The following PHF8 variants were observed in gnomAD, a reference collection of about 807,000 sequenced individuals.
PHF8 encodes histone lysine demethylase PHF8.
Under a neutral mutation model 74.4 loss-of-function variants are expected in PHF8, and 9 were observed. The observed-to-expected ratio is 0.12, with a 90% CI of 0.07 to 0.21. The LOEUF (loss-of-function observed/expected upper bound fraction) is 0.21, where lower values mean the gene tolerates loss of function less well. Ranked by LOEUF, PHF8 falls within the 10% of genes least tolerant of loss-of-function variation. PHF8 has a pLI of 1.00. For synonymous variants in PHF8, 311 were observed against 316.6 expected (o/e 0.98, Z 0.19); for missense variants, 478 against 816.6 (o/e 0.59, Z 5.05).
At position 54,009,844 on chromosome X, in the gene PHF8, G is replaced by GGA. The variant is rs2065952773; in HGVS notation, c.946+1277_946+1278insTC. Among the ~76,000 whole-genome samples, 48 of 9,384 alleles carry GGA rather than the reference G, an allele frequency of 5.1e-3. 4 individuals are homozygous for GGA. The highest frequency in any genetic ancestry group is 8.4e-3 in the Admixed American group (3 of 358). 8.1% of individuals were successfully genotyped at this position (9,384 alleles called of 115,157 possible). A position where few individuals can be genotyped will look rare whatever the true frequency, so the allele number is the denominator to read the frequency against. ...GGTGACAGAGTGAGACTCTGTCTCA[G>GGA]AAAAAAAAAAAAAAAAAAAAAAAAA... On this transcript the variant is annotated intron_variant, in intron 8 of 21. Coordinates refer to ENST00000338154, the MANE Select transcript of PHF8 (RefSeq NM_015107.3).
chrX:54,003,840 GT>G (rs782611189), intron 8 of PHF8, among the ~76,000 whole-genome samples: 12 of 111,476 alleles, frequency 1.1e-4, no homozygotes, highest in African/African-American at 3.3e-4. Context: ...CACAGTTTTG[GT>G]TTTCTTCCAC....
intron 4 of PHF8, among the ~76,000 whole-genome samples, chrX:54,020,486 T>C (rs185050373): frequency 1.8e-5 from 2 of 111,970 alleles, no homozygotes; most frequent in Admixed American, 9.5e-5. Context: ...TGTGCTATTA[T>C]GGATTGATCT....
At chrX:54,027,592 T>C (rs373517825) in intron 2 of PHF8, among the ~76,000 whole-genome samples, 58 of 111,579 alleles carry the variant, frequency 5.2e-4, no homozygotes, top group African/African-American at 1.9e-3. Context: ...CTTGTTGATA[T>C]ATGCAATAAG....
At chrX:54,045,101 G>C (rs1189325813), upstream of PHF8, 1 of 391,462 alleles carries the variant, frequency 2.6e-6, no homozygotes, top group Non-Finnish European at 4.5e-6. Flanking sequence ...CTGTAAAGCT[G>C]CTGCCAACTC....
At chrX:54,011,431 C>G (rs1319788357) in intron 7 of PHF8, 147 bp from the exon 8 acceptor site, 1 of 502,895 alleles carries the variant, frequency 2.0e-6, no homozygotes, top group African/African-American at 2.4e-5. Context: ...ATTATCATTT[C>G]TTTGTGGATT....
intron 19 of PHF8, among the ~76,000 whole-genome samples, chrX:53,951,582 C>T (rs1272633804): frequency 1.8e-5 from 2 of 110,578 alleles, no homozygotes; most frequent in Non-Finnish European, 3.8e-5. Flanking sequence ...TCCTGAGTAG[C>T]TGGGACTACA....
intron 18 of PHF8, among the ~76,000 whole-genome samples, chrX:53,964,508 G>A (rs905576610): frequency 1.8e-5 from 2 of 111,338 alleles, no homozygotes; most frequent in African/African-American, 6.5e-5. Flanking sequence ...AAGAAAAAAA[G>A]GCCAGAACAA....
intron 7 of PHF8, 86 bp downstream of exon 7, chrX:54,014,291 T>G (rs2066027895): frequency 1.4e-6 from 1 of 702,158 alleles, no homozygotes; most frequent in Non-Finnish European, 2.3e-6. Flanking sequence ...TAAATCAAAC[T>G]GATTCAAAAT....
chrX:53,942,687 A>C, intron 20 of PHF8: 2 of 734,172 alleles, frequency 2.7e-6, no homozygotes, highest in Non-Finnish European at 3.2e-6. Context: ...AATGTTGTAG[A>C]AGCATATAGA....
intron 19 of PHF8, among the ~76,000 whole-genome samples, chrX:53,953,665 G>A (rs1180243841): frequency 9.3e-6 from 1 of 107,256 alleles, no homozygotes. Context: ...AAAGCGGGGG[G>A]GGTCCTAGAA....
intron 18 of PHF8, among the ~76,000 whole-genome samples, chrX:53,973,409 G>A (rs1277346097): frequency 8.9e-6 from 1 of 111,754 alleles, no homozygotes; most frequent in Non-Finnish European, 1.9e-5. Context: ...CAAGGCTACA[G>A]TAACCAAAAC....
At chrX:53,981,481 G>C (rs1557097982) in intron 18 of PHF8, among the ~76,000 whole-genome samples, 3 of 111,310 alleles carry the variant, frequency 2.7e-5, no homozygotes, top group African/African-American at 9.8e-5. Flanking sequence ...TGACAGAGCA[G>C]ATAAAGAAGT....
chrX:53,999,772 G>A (rs2065801662), intron 11 of PHF8, 98 bp downstream of exon 11: 2 of 539,721 alleles, frequency 3.7e-6, no homozygotes, highest in Admixed American at 2.7e-5. Context: ...GAGCCCACAA[G>A]CTTCTCTGGT....
At chrX:54,014,651 G>A (rs1038563378) in intron 6 of PHF8, 88 bp from the exon 7 acceptor site, 11 of 616,069 alleles carry the variant, frequency 1.8e-5, no homozygotes, top group African/African-American at 4.4e-5. Context: ...TTCAGTGAGG[G>A]TCAGATAAGT....
In PHF8 at chrX:53,937,718, T is replaced by C; in HGVS notation, c.*1440A>G. On this transcript the variant is annotated 3_prime_UTR_variant, in exon 22 of 22. Coordinates refer to ENST00000338154, the MANE Select transcript of PHF8 (RefSeq NM_015107.3). Reference sequence around the variant, plus strand: ...AGATGACAAAAGAAGCCTCACAAATTCCCTGTGGCCTGCATGGTAGCTATT... The same window carrying C: ...AGATGACAAAAGAAGCCTCACAAATCCCCTGTGGCCTGCATGGTAGCTATT... 1 of 316,306 alleles carries C rather than the reference T, an allele frequency of 3.2e-6. No individual in the cohort carries two copies. The highest frequency in any genetic ancestry group is 1.2e-4 in the South Asian group (1 of 8,676). The allele number at this position is 316,306 out of a possible 1,213,427, so 26.1% of individuals were successfully genotyped here. A position where few individuals can be genotyped will look rare whatever the true frequency, so the allele number is the denominator to read the frequency against.
At chrX:54,035,530 C>G (rs1470069511) in intron 2 of PHF8, among the ~76,000 whole-genome samples, 1 of 110,581 alleles carries the variant, frequency 9.0e-6, no homozygotes, top group Non-Finnish European at 1.9e-5. Flanking sequence ...GCCTGTAATC[C>G]CAGCACTTTG....
intron 8 of PHF8, among the ~76,000 whole-genome samples, chrX:54,006,048 T>C (rs2065893515): frequency 8.9e-6 from 1 of 112,285 alleles, no homozygotes; most frequent in Non-Finnish European, 1.9e-5. Context: ...ACGCAGAGGA[T>C]AGTAGCCCTC....
intron 7 of PHF8, 61 bp from the exon 8 acceptor site, chrX:54,011,345 G>T: frequency 1.0e-6 from 1 of 967,426 alleles, no homozygotes; most frequent in Non-Finnish European, 1.5e-6. Context: ...AGTCCTTAAC[G>T]GGTACTCCAA....
intron 2 of PHF8, among the ~76,000 whole-genome samples, chrX:54,037,544 C>A (rs1488745154): frequency 8.9e-6 from 1 of 112,056 alleles, no homozygotes; most frequent in African/African-American, 3.2e-5. Flanking sequence ...ACATCACATG[C>A]CCAGCCTGAT....
Sources: allele counts gnomAD v4.1 joint callset (sites outside exome capture counted in the v4.1 genomes callset), GRCh38; gene constraint gnomAD v4.1.1; transcripts MANE v1.5; gene names NCBI Gene and HGNC (gene_info 2026-07-23, HGNC 2026-07-21).